WDR27: variants seen among roughly 807,000 people sequenced by gnomAD.
The protein encoded by WDR27 is WD repeat-containing protein 27.
WDR27 carries 100 observed loss-of-function variants against 114.4 expected under a neutral mutation model. That is an observed-to-expected ratio of 0.87 (90% confidence interval 0.74 to 1.03). The LOEUF is 1.03. WDR27 is among the 50% of genes least tolerant of loss of function. The probability of loss-of-function intolerance (pLI) is 0.00; values close to 1 mark genes in which losing one functional copy is unlikely to be tolerated. For synonymous variants in WDR27, 449 were observed against 423.1 expected, an observed-to-expected ratio of 1.06 and a Z score of -0.75; for missense variants, 1,129 against 1,092.9, an observed-to-expected ratio of 1.03 and a Z score of -0.47.
intron 25 of WDR27, among the ~76,000 whole-genome samples, chr6:169,556,564 C>G (rs1416473353): frequency 1.3e-5 from 2 of 152,150 alleles, no homozygotes; most frequent in Admixed American, 1.3e-4. Flanking sequence ...TCTGGGTTAG[C>G]AAAGGTTTCT....
intron 21 of WDR27, among the ~76,000 whole-genome samples, chr6:169,616,569 A>T (rs1253754256): frequency 6.6e-6 from 1 of 152,176 alleles, no homozygotes; most frequent in South Asian, 2.1e-4. Flanking sequence ...CTCAGTAATT[A>T]AAAAAATCAA....
intron 23 of WDR27, among the ~76,000 whole-genome samples, chr6:169,589,446 G>T (rs1562643044): frequency 6.6e-6 from 1 of 152,172 alleles, no homozygotes; most frequent in South Asian, 2.1e-4. Flanking sequence ...CGCTTCCTGA[G>T]ATCAGCTGGC....
chr6:169,430,005 T>G, the WDR27 span, among the ~76,000 whole-genome samples: 1 of 152,212 alleles, frequency 6.6e-6, no homozygotes, highest in Non-Finnish European at 1.5e-5. Context: ...AGGCCCCTCA[T>G]GTCTCCTGGT....
intron 2 of WDR27, among the ~76,000 whole-genome samples, chr6:169,678,839 A>G (rs933990309): frequency 1.3e-5 from 2 of 152,230 alleles, no homozygotes; most frequent in African/African-American, 2.4e-5. Flanking sequence ...TCCACATTCT[A>G]TAGAGAAACC....
chr6:169,624,076 T>C (rs570304273), intron 21 of WDR27, among the ~76,000 whole-genome samples: 1 of 151,672 alleles, frequency 6.6e-6, no homozygotes, highest in African/African-American at 2.4e-5. Flanking sequence ...TGGGGTCAGG[T>C]GTGCCGTGTG....
In WDR27 at chr6:169,659,481, A is replaced by G; in HGVS notation, c.1167T>C (p.Cys389=). ...GATCCGCAGTGCGGTTCCTCAGGGC[A>G]CACGATCCGGCCAGCAGGATGCTGA... The part of the protein sequence containing the change: ...QSLSILLAGS[C]ALRNRTADQK... The change falls in exon 11 of 26, where the codon TGT becomes TGC. Residue 389 remains cysteine, a synonymous_variant. Transcript: ENST00000448612. This position sits in a 1 kb window ranked among gnomAD's most constrained non-coding sequence, Gnocchi z 4.3. The G allele has an allele frequency of 1.9e-6, 3 of 1,610,536 alleles. No homozygotes were observed. Among genetic ancestry groups the G allele is most frequent in the Non-Finnish European group, 2.5e-6 (3 of 1,178,424 alleles).
At chr6:169,441,000 C>T in the WDR27 span, among the ~76,000 whole-genome samples, 1 of 151,404 alleles carries the variant, frequency 6.6e-6, no homozygotes, top group African/African-American at 2.4e-5. Context: ...GTATTTTGCT[C>T]TTGATATTTA....
chr6:169,650,297 T>C (rs1341538283), intron 14 of WDR27, among the ~76,000 whole-genome samples: 20 of 89,814 alleles, frequency 2.2e-4, no homozygotes, highest in South Asian at 4.4e-4. Flanking sequence ...ATCCCTCATC[T>C]CTGCATCCCT....
chr6:169,646,640 C>T lies in WDR27; in HGVS notation c.1657+1133G>A, dbSNP rs559331656. On this transcript the variant is annotated intron_variant, in intron 16 of 25. Transcript: ENST00000448612. ...GTGCACACCTGTAATCCTAGCTACG[C>T]GTGACGCTGAGGCAGGAGAATCACT... is the stretch of plus-strand genomic sequence containing the variant. 1.7e-3 allele frequency among the ~76,000 whole-genome samples: 250 copies of T among 151,370 alleles called. 3 individuals are homozygous for T. The highest frequency in any genetic ancestry group is 6.8e-3 in the Middle Eastern group (2 of 292).
intron 25 of WDR27, among the ~76,000 whole-genome samples, chr6:169,457,954 C>T (rs999358887): frequency 1.4e-5 from 2 of 142,472 alleles, no homozygotes; most frequent in Non-Finnish European, 1.5e-5. Context: ...AGGAGCTGGC[C>T]GCAGGAGAGC....
intron 21 of WDR27, among the ~76,000 whole-genome samples, chr6:169,630,990 G>T (rs973378541): frequency 1.3e-5 from 2 of 152,166 alleles, no homozygotes; most frequent in Non-Finnish European, 2.9e-5. Context: ...ATCTTACTGC[G>T]AAATTAGTAG....
At chr6:169,627,103 G>A (rs1339755177) in intron 21 of WDR27, among the ~76,000 whole-genome samples, 1 of 152,168 alleles carries the variant, frequency 6.6e-6, no homozygotes, top group African/African-American at 2.4e-5. Flanking sequence ...CCTCCTCCAT[G>A]ATTTCCTCGA....
intron 25 of WDR27, among the ~76,000 whole-genome samples, chr6:169,517,928 C>G (rs1793878721): frequency 6.6e-6 from 1 of 152,190 alleles, no homozygotes; most frequent in Admixed American, 6.5e-5. Context: ...TGTCTAGGTA[C>G]AGATAACAGA....
intron 25 of WDR27, among the ~76,000 whole-genome samples, chr6:169,571,543 T>C (rs1245221626): frequency 2.0e-5 from 3 of 152,206 alleles, no homozygotes; most frequent in Admixed American, 1.3e-4. Context: ...AAAAACTGCA[T>C]TGGGCCACGT....
At chr6:169,438,390 A>G in the WDR27 span, among the ~76,000 whole-genome samples, 1 of 151,416 alleles carries the variant, frequency 6.6e-6, no homozygotes, top group Admixed American at 6.6e-5. Flanking sequence ...GGCACCCACC[A>G]CCACACCCGG....
intron 21 of WDR27, among the ~76,000 whole-genome samples, chr6:169,619,564 C>A (rs1054563557): frequency 6.6e-6 from 1 of 152,166 alleles, no homozygotes; most frequent in African/African-American, 2.4e-5. Flanking sequence ...CAGAAATACA[C>A]TGGTTTCCCA....
Position 169,662,295 on chromosome 6 carries a change from G to A in WDR27, c.1025+9C>T. ...TTTATGTGGCATAGGCAAAGTTTTT[G>A]ATACTTACCATCCACATGCAGAATT... is the stretch of plus-strand genomic sequence containing the variant. On this transcript the variant is annotated intron_variant, in intron 9 of 25. Coordinates refer to ENST00000448612, the MANE Select transcript of WDR27 (RefSeq NM_182552.5). 6.2e-7 allele frequency: 1 copy of A among 1,612,402 alleles called. No homozygotes were observed. The highest frequency in any genetic ancestry group is 1.1e-5 in the South Asian group (1 of 91,000).
the WDR27 span, among the ~76,000 whole-genome samples, chr6:169,447,671 G>T: frequency 6.6e-6 from 1 of 152,144 alleles, no homozygotes; most frequent in South Asian, 2.1e-4. Flanking sequence ...TGGGTGGACC[G>T]ACACAGGTGG....
the WDR27 span, among the ~76,000 whole-genome samples, chr6:169,427,496 G>A: frequency 1.3e-5 from 2 of 152,170 alleles, no homozygotes; most frequent in African/African-American, 2.4e-5. Context: ...AAAGGCTTGT[G>A]TTTTTAAGTG....
Sources: gnomAD v4.1 joint callset for allele counts (sites outside exome capture counted in the v4.1 genomes callset) on GRCh38, gnomAD v4.1.1 for gene constraint, Gnocchi (gnomAD v3.1) non-coding constraint, MANE v1.5 for transcripts, NCBI Gene and HGNC (gene_info 2026-07-23, HGNC 2026-07-21) for gene names.